MARCHF4: variants seen among roughly 807,000 people sequenced by gnomAD.
MARCHF4 encodes the protein membrane associated ring-CH-type finger 4, also known as E3 ubiquitin-protein ligase MARCHF4.
In MARCHF4, 14 loss-of-function variants were observed where a neutral mutation model predicts 43.9. The ratio of observed to expected loss-of-function variants is 0.32; its 90% CI spans 0.21 to 0.50. The LOEUF (loss-of-function observed/expected upper bound fraction) is 0.50, where lower values mean the gene tolerates loss of function less well. Among genes scored for constraint, MARCHF4 ranks in the 20% least tolerant of loss-of-function variants. The probability of loss-of-function intolerance (pLI) is 0.98; values close to 1 mark genes in which losing one functional copy is unlikely to be tolerated. For missense variants in MARCHF4, 468 were observed against 536.7 expected (o/e 0.87, Z 1.27); for synonymous variants, 226 against 213.3 (o/e 1.06, Z -0.52).
At chr2:216,293,682 G>T (rs973055371) in intron 1 of MARCHF4, among the ~76,000 whole-genome samples, 2 of 137,536 alleles carry the variant, frequency 1.5e-5, no homozygotes, top group African/African-American at 4.9e-5. Context: ...TTCCTACAGT[G>T]CTTTTCTCCC....
At chr2:216,356,914 T>G (rs1253243792) in intron 1 of MARCHF4, among the ~76,000 whole-genome samples, 1 of 151,872 alleles carries the variant, frequency 6.6e-6, no homozygotes. Flanking sequence ...TCCCAGCTAC[T>G]AGGGAGGCTG....
intron 1 of MARCHF4, among the ~76,000 whole-genome samples, chr2:216,317,126 C>T (rs1269581942): frequency 6.6e-6 from 1 of 152,194 alleles, no homozygotes; most frequent in Non-Finnish European, 1.5e-5. Context: ...CCCCCACCCC[C>T]CAAAGCCATA....
At chr2:216,359,265 T>C (rs1331058822) in intron 1 of MARCHF4, among the ~76,000 whole-genome samples, 10 of 152,320 alleles carry the variant, frequency 6.6e-5, no homozygotes, top group African/African-American at 2.4e-4. Flanking sequence ...CACATGCCTC[T>C]TCTTTCCTAG....
chr2:216,329,280 C>G (rs910063766), intron 1 of MARCHF4, among the ~76,000 whole-genome samples: 3 of 152,008 alleles, frequency 2.0e-5, no homozygotes, highest in Non-Finnish European at 4.4e-5. Flanking sequence ...ACTCGGGAGG[C>G]GGAGGCAGGA....
chr2:216,331,472 A>G (rs2105969656), intron 1 of MARCHF4, among the ~76,000 whole-genome samples: 1 of 152,286 alleles, frequency 6.6e-6, no homozygotes, highest in African/African-American at 2.4e-5. Flanking sequence ...AATAGAGAAT[A>G]TTACATTCTA....
chr2:216,370,098 G>C lies in MARCHF4; in HGVS notation c.163C>G (p.Arg55Gly). The stretch of plus-strand genomic sequence containing the variant: ...GGCAGGGGCGCTTGAGGAGGGCGCC[G>C]CAGTAAGAAAACCTTCAGGTCATTG... The part of the protein sequence containing the change: ...LFNDLKVFLL[R>G]RPPQAPLPMH... The change falls in exon 1 of 4, where the codon CGG becomes GGG. Residue 55 changes from arginine to glycine, a missense_variant. Coordinates refer to ENST00000273067, the MANE Select transcript of MARCHF4 (RefSeq NM_020814.3). 1 of 1,588,912 alleles carries C rather than the reference G, an allele frequency of 6.3e-7. No homozygotes were observed. The highest frequency in any genetic ancestry group is 1.1e-5 in the South Asian group (1 of 87,696).
At chr2:216,345,910 G>A (rs997864011) in intron 1 of MARCHF4, among the ~76,000 whole-genome samples, 3 of 151,832 alleles carry the variant, frequency 2.0e-5, no homozygotes, top group African/African-American at 4.8e-5. Flanking sequence ...GAGGGTCTCC[G>A]AGATCACACC....
chr2:216,290,341 G>A (rs746160602), intron 1 of MARCHF4, among the ~76,000 whole-genome samples: 3 of 152,146 alleles, frequency 2.0e-5, no homozygotes, highest in Non-Finnish European at 4.4e-5. Context: ...AAGTGCAAAG[G>A]CCCTGAGGCA....
intron 1 of MARCHF4, among the ~76,000 whole-genome samples, chr2:216,362,601 G>A (rs1297543150): frequency 6.6e-6 from 1 of 152,164 alleles, no homozygotes; most frequent in Non-Finnish European, 1.5e-5. Flanking sequence ...TTCAGGACTG[G>A]GGCCCTTGTG....
chr2:216,298,104 C>A (rs1175342990), intron 1 of MARCHF4, among the ~76,000 whole-genome samples: 1 of 152,180 alleles, frequency 6.6e-6, no homozygotes, highest in African/African-American at 2.4e-5. Context: ...GTTCCCCATC[C>A]TCTTATGCTT....
intron 1 of MARCHF4, among the ~76,000 whole-genome samples, chr2:216,300,687 G>T (rs1047848359): frequency 1.3e-5 from 2 of 151,928 alleles, no homozygotes; most frequent in African/African-American, 4.8e-5. Context: ...TACATACAAA[G>T]CTCGAAGATA....
At chr2:216,310,815 C>T (rs1691674135) in intron 1 of MARCHF4, among the ~76,000 whole-genome samples, 1 of 152,104 alleles carries the variant, frequency 6.6e-6, no homozygotes, top group African/African-American at 2.4e-5. Context: ...AGGGCTTCAT[C>T]CTGCACAAGA....
chr2:216,318,588 G>A (rs1691822569), intron 1 of MARCHF4, among the ~76,000 whole-genome samples: 1 of 152,194 alleles, frequency 6.6e-6, no homozygotes, highest in African/African-American at 2.4e-5. Context: ...TGAACTGTGT[G>A]AATATCAGAG....
Position 216,259,042 on chromosome 2 carries a change from T to C in MARCHF4, c.*270A>G, listed in dbSNP as rs770429709. 4.6e-5 allele frequency: 14 copies of C among 302,960 alleles called. No individual in the cohort carries two copies. Among genetic ancestry groups the C allele is most frequent in the Non-Finnish European group, 7.3e-5 (12 of 164,396 alleles). 18.8% of individuals were successfully genotyped at this position (302,960 alleles called of 1,614,324 possible). ...TGCAGGTGCATTGGGGCAGGGTTTTTCTGTTGGGCCAGGTTCAGCCTGTAT... is the reference window on the plus strand; with the variant it reads ...TGCAGGTGCATTGGGGCAGGGTTTTCCTGTTGGGCCAGGTTCAGCCTGTAT... On this transcript the variant is annotated 3_prime_UTR_variant, in exon 4 of 4. Coordinates refer to ENST00000273067, the MANE Select transcript of MARCHF4 (RefSeq NM_020814.3).
At chr2:216,311,268 A>G (rs563165454) in intron 1 of MARCHF4, among the ~76,000 whole-genome samples, 18 of 149,288 alleles carry the variant, frequency 1.2e-4, no homozygotes, top group African/African-American at 4.2e-4. Context: ...GGTGGGGGGG[A>G]TCTCACTTTG....
chr2:216,353,064 T>C (rs1692425247), intron 1 of MARCHF4, among the ~76,000 whole-genome samples: 1 of 152,192 alleles, frequency 6.6e-6, no homozygotes, highest in African/African-American at 2.4e-5. Flanking sequence ...CTACAAGATA[T>C]CCTGTGGTCT....
At chr2:216,309,964 T>C (rs1381647349) in intron 1 of MARCHF4, among the ~76,000 whole-genome samples, 1 of 152,152 alleles carries the variant, frequency 6.6e-6, no homozygotes, top group African/African-American at 2.4e-5. Context: ...ACACCACCTA[T>C]CTAGAATGGC....
chr2:216,292,491 G>C (rs1691323862), intron 1 of MARCHF4, among the ~76,000 whole-genome samples: 1 of 152,222 alleles, frequency 6.6e-6, no homozygotes, highest in South Asian at 2.1e-4. Flanking sequence ...GATTTGTGGA[G>C]AAGAATAAGG....
chr2:216,314,011 C>G (rs1039934386), intron 1 of MARCHF4, among the ~76,000 whole-genome samples: 23 of 152,184 alleles, frequency 1.5e-4, no homozygotes, highest in African/African-American at 5.5e-4. Flanking sequence ...CCTCTTGCAT[C>G]CTAGGTCTAA....
Sources: gnomAD v4.1 joint callset for allele counts (sites outside exome capture counted in the v4.1 genomes callset) on GRCh38, gnomAD v4.1.1 for gene constraint, MANE v1.5 for transcripts, NCBI Gene and HGNC (gene_info 2026-07-23, HGNC 2026-07-21) for gene names.